The following TSHZ3 variants were observed in gnomAD, a reference collection of about 807,000 sequenced individuals.
TSHZ3 encodes the protein teashirt homolog 3.
In TSHZ3, 10 loss-of-function variants were observed where a neutral mutation model predicts 64.5. The ratio of observed to expected loss-of-function variants is 0.16; its 90% CI spans 0.10 to 0.26. The LOEUF (loss-of-function observed/expected upper bound fraction) is 0.26, where lower values mean the gene tolerates loss of function less well. Among genes scored for constraint, TSHZ3 ranks in the 10% least tolerant of loss-of-function variants. The pLI, the probability that TSHZ3 is intolerant of heterozygous loss-of-function variation, is 1.00. For synonymous variants in TSHZ3, 608 were observed against 593.1 expected, an observed-to-expected ratio of 1.03 and a Z score of -0.36; for missense variants, 1,242 against 1,421.7, an observed-to-expected ratio of 0.87 and a Z score of 2.03.
intron 1 of TSHZ3, among the ~76,000 whole-genome samples, chr19:31,318,798 C>T (rs1478528772): frequency 6.6e-6 from 1 of 152,184 alleles, no homozygotes; most frequent in Non-Finnish European, 1.5e-5. Flanking sequence ...GCAGGAAGTT[C>T]ATTCAATAAA....
At chr19:31,346,353 G>A (rs1293193927) in intron 1 of TSHZ3, among the ~76,000 whole-genome samples, 11 of 152,104 alleles carry the variant, frequency 7.2e-5, no homozygotes, top group Admixed American at 5.9e-4. Context: ...ACAACTAAAG[G>A]CAGCCAGGAC....
intron 4 of TSHZ3, among the ~76,000 whole-genome samples, chr19:31,227,654 G>T (rs1975486345): frequency 6.6e-6 from 1 of 152,032 alleles, no homozygotes. Context: ...TCCACCTGTG[G>T]GCTTTATATT....
chr19:31,152,308 G>A (rs1387634163), intron 6 of TSHZ3, among the ~76,000 whole-genome samples: 1 of 138,358 alleles, frequency 7.2e-6, no homozygotes, highest in Non-Finnish European at 1.6e-5. Context: ...GTGTGTGTGT[G>A]CATGTTTATG....
chr19:31,152,200 G>A (rs546154219), intron 6 of TSHZ3, among the ~76,000 whole-genome samples: 1 of 151,754 alleles, frequency 6.6e-6, no homozygotes, highest in Admixed American at 6.5e-5. Context: ...TCTCAGGAAT[G>A]GGATGGATGG....
At chr19:31,267,504 C>CCCAGG (rs1006462068) in intron 1 of TSHZ3, among the ~76,000 whole-genome samples, 4 of 152,118 alleles carry the variant, frequency 2.6e-5, no homozygotes, top group Admixed American at 6.5e-5. Context: ...CTCCATCAGG[C>CCCAGG]CCAAGCACAA....
At position 31,171,076 on chromosome 19, in the gene TSHZ3, C is replaced by G. The variant is rs539148994; in HGVS notation, n.810-14659G>C. Among the ~76,000 whole-genome samples, 3 of 152,154 alleles carry G rather than the reference C, an allele frequency of 2.0e-5. No homozygotes were observed. In the South Asian group the frequency reaches 6.2e-4, roughly 32 times the overall value. ...ACAGATCAAAATTAGAAAATTTACA[C>G]TTGGTGGGAAAAATGGTCTCAGTAA... On this transcript the variant is annotated intron_variant and non_coding_transcript_variant, in intron 5 of 6. Transcript: ENST00000651361.
chr19:31,277,901 G>A lies in TSHZ3; in HGVS notation c.1892C>T (p.Pro631Leu), dbSNP rs1220435068. 11 of 1,613,588 alleles carry A rather than the reference G, an allele frequency of 6.8e-6. No homozygotes were observed. The highest frequency in any genetic ancestry group is 5.0e-5 in the Admixed American group (3 of 59,958). Reference protein sequence around the residue: ...VAKVEEKMKEPDGKLSPPKRA... With the variant: ...VAKVEEKMKELDGKLSPPKRA... The stretch of plus-strand genomic sequence containing the variant: ...CTTGGGCGGGGAAAGCTTCCCATCC[G>A]GCTCCTTCATCTTCTCCTCCACTTT... Residue 631 changes from proline to leucine, a missense_variant, in exon 2 of 2, where the codon CCG becomes CTG. Coordinates refer to ENST00000240587, the MANE Select transcript of TSHZ3 (RefSeq NM_020856.4). This position sits in a 1 kb window ranked among gnomAD's most constrained non-coding sequence, Gnocchi z 4.5.
At chr19:31,169,698 GT>G (rs1214489869) in intron 5 of TSHZ3, among the ~76,000 whole-genome samples, 1 of 152,138 alleles carries the variant, frequency 6.6e-6, no homozygotes, top group Non-Finnish European at 1.5e-5. Context: ...CCCTGAGTCT[GT>G]GCCGCAGCAA....
chr19:31,150,880 TG>T (rs1974229560), exon 7 of TSHZ3, among the ~76,000 whole-genome samples: 1 of 152,138 alleles, frequency 6.6e-6, no homozygotes, highest in Admixed American at 6.5e-5. Flanking sequence ...GAATCTAAGC[TG>T]GACATCAGGA....
intron 5 of TSHZ3, among the ~76,000 whole-genome samples, chr19:31,203,409 G>T (rs1392217799): frequency 6.6e-6 from 1 of 151,628 alleles, no homozygotes; most frequent in Non-Finnish European, 1.5e-5. Flanking sequence ...TGTGGAGCAT[G>T]TTTAGCAAAG....
intron 1 of TSHZ3, among the ~76,000 whole-genome samples, chr19:31,245,513 C>G (rs1975748533): frequency 6.6e-6 from 1 of 152,178 alleles, no homozygotes; most frequent in South Asian, 2.1e-4. Context: ...CAAAACAACA[C>G]AAAATCTCAC....
rs569618039 is a variant in TSHZ3 at position 31,265,772 on chromosome 19, G to A, written n.64-22897C>T. The stretch of plus-strand genomic sequence containing the variant: ...TGAAAGGAAGCCCCTTTCCCCTGAA[G>A]GTTGCTGAGCCACACAAGGATGGGT... On this transcript the variant is annotated intron_variant and non_coding_transcript_variant, in intron 1 of 6. Coordinates refer to the TSHZ3 transcript ENST00000651361. Among the ~76,000 whole-genome samples, 7 of 152,268 alleles carry A rather than the reference G, an allele frequency of 4.6e-5. No homozygotes were observed. The East Asian group carries it at 5.8e-4, about 13-fold the overall frequency.
intron 5 of TSHZ3, among the ~76,000 whole-genome samples, chr19:31,198,874 C>T (rs942989521): frequency 2.0e-5 from 3 of 152,182 alleles, no homozygotes; most frequent in African/African-American, 7.2e-5. Flanking sequence ...ATAGACTCAG[C>T]ACAATCCTAA....
In TSHZ3 at chr19:31,278,326, G is replaced by A. The variant is rs1342494709; in HGVS notation, c.1467C>T (p.Asp489=). Residue 489 remains aspartate (D), a synonymous_variant, in exon 2 of 2, where the codon GAC becomes GAT. Transcript: ENST00000240587. This position sits in a 1 kb window ranked among gnomAD's most constrained non-coding sequence, Gnocchi z 4.7. ...ACTTCTCCTCTTCTTCGCCAGGCTT[G>A]TCTTTTTGCTTAGGTTTCTCGTCAG... is the stretch of plus-strand genomic sequence containing the variant. ...AVTDEKPKQK[D]KPGEEEEKCD... is the part of the protein sequence containing the mutation. 6.2e-7 allele frequency: 1 copy of A among 1,614,188 alleles called. No homozygotes were observed. The highest frequency in any genetic ancestry group is 2.2e-5 in the East Asian group (1 of 44,874).
At chr19:31,190,570 C>G (rs541448178) in intron 5 of TSHZ3, among the ~76,000 whole-genome samples, 1 of 152,216 alleles carries the variant, frequency 6.6e-6, no homozygotes, top group South Asian at 2.1e-4. Flanking sequence ...ATAAATAAAA[C>G]TCAACACTCT....
At chr19:31,306,807 AAAAG>A (rs796174247) in intron 1 of TSHZ3, among the ~76,000 whole-genome samples, 20 of 152,364 alleles carry the variant, frequency 1.3e-4, no homozygotes, top group African/African-American at 4.8e-4. Flanking sequence ...CAGGATTATT[AAAAG>A]AAAGAGAAAC....
chr19:31,249,433 G>C (rs56004051), intron 1 of TSHZ3, among the ~76,000 whole-genome samples: 2 of 152,238 alleles, frequency 1.3e-5, no homozygotes, highest in East Asian at 3.9e-4. Context: ...CAGGTTCCCT[G>C]TCTGCCCGGG....
intron 5 of TSHZ3, among the ~76,000 whole-genome samples, chr19:31,171,888 A>T (rs1974539897): frequency 6.6e-6 from 1 of 152,032 alleles, no homozygotes; most frequent in Non-Finnish European, 1.5e-5. Context: ...CCAGTGTCCC[A>T]TTTCTCCAAA....
intron 1 of TSHZ3, among the ~76,000 whole-genome samples, chr19:31,256,381 C>G (rs28542228): frequency 0.35 from 52,781 of 151,992 alleles, 13,418 homozygotes; most frequent in African/African-American, 0.71. Context: ...GTGCAGTAGA[C>G]AGAGAGAAAG....
Sources: allele counts gnomAD v4.1 joint callset (sites outside exome capture counted in the v4.1 genomes callset), GRCh38; gene constraint gnomAD v4.1.1; non-coding constraint Gnocchi (gnomAD v3.1); transcripts MANE v1.5; gene names NCBI Gene and HGNC (gene_info 2026-07-23, HGNC 2026-07-21).